The following SERPINA12 variants were observed in gnomAD, a reference collection of about 807,000 sequenced individuals.
The protein encoded by SERPINA12 is serpin A12.
In SERPINA12, 21 loss-of-function variants were observed where a neutral mutation model predicts 25.9. That is an observed-to-expected ratio of 0.81 (90% CI 0.58 to 1.17). The LOEUF (loss-of-function observed/expected upper bound fraction) is 1.17, where lower values mean the gene tolerates loss of function less well. Ranked by LOEUF, SERPINA12 falls within the 50% of genes most tolerant of loss-of-function variation. The pLI is 0.00. For missense variants in SERPINA12, 562 were observed against 508.3 expected (o/e 1.11, Z -1.02); for synonymous variants, 220 against 196.0 (o/e 1.12, Z -1.02).
rs1175392095 is a variant in SERPINA12, at chr14:94,496,559, A to G, written c.719T>C (p.Met240Thr). ...LEKNSSVKVP[M>T]MFRSGIYQVG... ...TTGGTATATGCCACTACGGAACATC[A>G]TGGGCACCTTGACTGAACTGTTTTT... The change falls in exon 3 of 5, where the codon ATG (methionine) becomes ACG (threonine). Residue 240 changes from methionine (M) to threonine (T), a missense_variant. Met to Thr is a moderately conservative substitution (Grantham distance 81). Transcript: ENST00000677451. 2 of 1,614,100 alleles carry G rather than the reference A, an allele frequency of 1.2e-6. No homozygotes were observed. The highest frequency in any genetic ancestry group is 2.2e-5 in the South Asian group (2 of 91,074).
intron 3 of SERPINA12, among the ~76,000 whole-genome samples, chr14:94,495,282 A>G (rs1448186051): frequency 6.6e-6 from 1 of 151,254 alleles, no homozygotes; most frequent in African/African-American, 2.4e-5. Context: ...TTTAGCCGGG[A>G]TGGTCTCGAT....
chr14:94,491,665 TGAG>T (rs928242032), intron 3 of SERPINA12, among the ~76,000 whole-genome samples: 4 of 152,040 alleles, frequency 2.6e-5, no homozygotes, highest in Non-Finnish European at 5.9e-5. Flanking sequence ...ATGAGGCATT[TGAG>T]GGTGGTCAGG....
chr14:94,495,728 C>G (rs146905539), intron 3 of SERPINA12, among the ~76,000 whole-genome samples: 1 of 152,118 alleles, frequency 6.6e-6, no homozygotes, highest in Non-Finnish European at 1.5e-5. Flanking sequence ...AGGCCACTAG[C>G]CCAGCCACTT....
At chr14:94,489,925 C>A (rs1488558324) in intron 3 of SERPINA12, among the ~76,000 whole-genome samples, 158 bp from the exon 4 acceptor site, 2 of 152,152 alleles carry the variant, frequency 1.3e-5, no homozygotes, top group Non-Finnish European at 2.9e-5. Flanking sequence ...AACCCTGGGA[C>A]CCTGGTTTCA....
At chr14:94,504,689 C>T (rs935482346) in intron 1 of SERPINA12, among the ~76,000 whole-genome samples, 2 of 152,196 alleles carry the variant, frequency 1.3e-5, no homozygotes, top group Non-Finnish European at 2.9e-5. Context: ...ATTAAAAATT[C>T]ACCTCAAAGT....
intron 1 of SERPINA12, chr14:94,503,315 G>A (rs982052638): frequency 2.2e-5 from 22 of 985,114 alleles, no homozygotes; most frequent in Middle Eastern, 5.2e-4. Flanking sequence ...TGGAGAACAT[G>A]TCCCCATTCC....
At chr14:94,498,825 C>G (rs1900586592) in intron 1 of SERPINA12, among the ~76,000 whole-genome samples, 1 of 152,116 alleles carries the variant, frequency 6.6e-6, no homozygotes, top group African/African-American at 2.4e-5. Flanking sequence ...AGAGTGTGGA[C>G]CAAAATCAGA....
Position 94,497,842 on chromosome 14 carries a change from G to A in SERPINA12, c.556C>T (p.His186Tyr), listed in dbSNP as rs1245938157. 2 of 1,613,956 alleles carry A rather than the reference G, an allele frequency of 1.2e-6. No homozygotes were observed. Among genetic ancestry groups the A allele is most frequent in the Non-Finnish European group, 1.7e-6 (2 of 1,180,006 alleles). ...QINDFISQKT[H>Y]GKINNLIENI... ...TCGATCAGGTTGTTAATTTTCCCAT[G>A]GGTTTTTTGACTGATAAAGTCATTG... is the stretch of plus-strand genomic sequence containing the variant. The change falls in exon 2 of 5, where the codon CAT (histidine) becomes TAT (tyrosine). Residue 186 changes from histidine (H) to tyrosine (Y), a missense_variant. His to Tyr is a moderately conservative substitution (Grantham distance 83, BLOSUM62 2). Coordinates refer to ENST00000677451, the MANE Select transcript of SERPINA12 (RefSeq NM_001382267.1).
intron 1 of SERPINA12, chr14:94,500,987 G>A: frequency 4.1e-6 from 4 of 984,486 alleles, no homozygotes; most frequent in Non-Finnish European, 4.8e-6. Flanking sequence ...TCTGAACCTG[G>A]GTGCTCTCTA....
chr14:94,498,862 C>A (rs947309640), intron 1 of SERPINA12, among the ~76,000 whole-genome samples: 1 of 152,164 alleles, frequency 6.6e-6, no homozygotes, highest in African/African-American at 2.4e-5. Context: ...TAAGGGAATG[C>A]AAAACCCCCT....
upstream of SERPINA12, among the ~76,000 whole-genome samples, chr14:94,512,695 G>T (rs1227666271): frequency 6.6e-6 from 1 of 152,118 alleles, no homozygotes; most frequent in Non-Finnish European, 1.5e-5. Flanking sequence ...GAATGGATCA[G>T]ACAGCAAAAA....
chr14:94,489,912 C>G, intron 3 of SERPINA12, 145 bp from the exon 4 acceptor site: 1 of 797,490 alleles, frequency 1.3e-6, no homozygotes, highest in Non-Finnish European at 2.0e-6. Flanking sequence ...GGAGGGGCTC[C>G]TTAACCCTGG....
At chr14:94,489,527 C>T (rs887223006) in intron 4 of SERPINA12, 93 bp downstream of exon 4, 150 of 1,432,252 alleles carry the variant, frequency 1.0e-4, no homozygotes, top group Non-Finnish European at 1.3e-4. Flanking sequence ...GGTGGAGTCT[C>T]GGCTCTGACA....
intron 1 of SERPINA12, among the ~76,000 whole-genome samples, chr14:94,501,954 G>T (rs568366861): frequency 4.6e-5 from 7 of 152,062 alleles, no homozygotes; most frequent in African/African-American, 1.2e-4. Context: ...CTGAGCAACT[G>T]GTTATTTCCC....
intron 1 of SERPINA12, among the ~76,000 whole-genome samples, chr14:94,516,746 T>C (rs1398326116): frequency 6.6e-6 from 1 of 152,226 alleles, no homozygotes; most frequent in Non-Finnish European, 1.5e-5. Flanking sequence ...CTATTGCCTT[T>C]GCACTCTCTG....
Position 94,496,506 on chromosome 14 carries a change from T to A in SERPINA12, c.772A>T (p.Thr258Ser). 1 of 1,614,102 alleles carries A rather than the reference T, an allele frequency of 6.2e-7. No individual in the cohort carries two copies. The highest frequency in any genetic ancestry group is 1.7e-5 in the Admixed American group (1 of 60,020). Reference sequence around the variant, plus strand: ...TTCTGGTAGGGTATTTCCAGGATGGTGCAAGAGAGCTTATCGTCATAGCCA... The same window carrying A: ...TTCTGGTAGGGTATTTCCAGGATGGAGCAAGAGAGCTTATCGTCATAGCCA... Reference protein sequence around the residue: ...QVGYDDKLSCTILEIPYQKNI... With the variant: ...QVGYDDKLSCSILEIPYQKNI... Residue 258 changes from threonine (T) to serine (S), a missense_variant, in exon 3 of 5, where the codon ACC (threonine) becomes TCC (serine). Coordinates refer to ENST00000677451, the MANE Select transcript of SERPINA12 (RefSeq NM_001382267.1).
chr14:94,509,739 G>A (rs528852595), upstream of SERPINA12, among the ~76,000 whole-genome samples: 1 of 152,330 alleles, frequency 6.6e-6, no homozygotes, highest in Non-Finnish European at 1.5e-5. Flanking sequence ...TCACTGATGA[G>A]GGCCTGGCTT....
chr14:94,493,589 C>T (rs1000138140), intron 3 of SERPINA12, among the ~76,000 whole-genome samples: 2 of 152,176 alleles, frequency 1.3e-5, no homozygotes, highest in African/African-American at 4.8e-5. Context: ...CTGAGAGCAG[C>T]CTGCACTTTA....
intron 3 of SERPINA12, among the ~76,000 whole-genome samples, chr14:94,496,136 A>G (rs560384394): frequency 1.7e-4 from 26 of 152,198 alleles, no homozygotes; most frequent in Admixed American, 1.2e-3. Context: ...CTCCCTGACC[A>G]CCGCCCTCCA....
Sources: gnomAD v4.1 joint callset for allele counts (sites outside exome capture counted in the v4.1 genomes callset) on GRCh38, gnomAD v4.1.1 for gene constraint, MANE v1.5 for transcripts, NCBI Gene and HGNC (gene_info 2026-07-23, HGNC 2026-07-21) for gene names.